Variants in EPB41L2 observed in about 807,000 individuals in gnomAD.
The protein encoded by EPB41L2 is band 4.1-like protein 2.
EPB41L2 carries 43 observed loss-of-function variants against 113.0 expected under a neutral mutation model. The ratio of observed to expected loss-of-function variants is 0.38; its 90% CI spans 0.30 to 0.49. The LOEUF (loss-of-function observed/expected upper bound fraction) is 0.49, where lower values mean the gene tolerates loss of function less well. EPB41L2 is among the 20% of genes least tolerant of loss of function. The pLI is 0.95. For missense variants in EPB41L2, 1,147 were observed against 1,223.4 expected (o/e 0.94, Z 0.93); for synonymous variants, 442 against 436.7 (o/e 1.01, Z -0.15).
intron 18 of EPB41L2, among the ~76,000 whole-genome samples, chr6:130,861,618 T>C (rs1161366119): frequency 1.3e-5 from 2 of 152,080 alleles, no homozygotes; most frequent in East Asian, 1.9e-4. Context: ...ACGACTGTAA[T>C]CCCAGCACTT....
intron 1 of EPB41L2, among the ~76,000 whole-genome samples, chr6:130,964,948 C>T (rs756393155): frequency 2.0e-4 from 30 of 152,182 alleles, no homozygotes; most frequent in African/African-American, 6.3e-4. Flanking sequence ...AATCCCAAAA[C>T]GACTTCACTA....
intron 10 of EPB41L2, among the ~76,000 whole-genome samples, chr6:130,893,577 T>C (rs1793650591): frequency 6.6e-6 from 1 of 152,208 alleles, no homozygotes; most frequent in Non-Finnish European, 1.5e-5. Context: ...CAGCTCATGC[T>C]GGAAATTATT....
At chr6:131,040,236 G>A (rs138024533) in intron 1 of EPB41L2, among the ~76,000 whole-genome samples, 12 of 152,218 alleles carry the variant, frequency 7.9e-5, no homozygotes, top group Admixed American at 2.6e-4. Flanking sequence ...CCAGGGATTC[G>A]AGACCAGCCT....
intron 18 of EPB41L2, among the ~76,000 whole-genome samples, chr6:130,858,481 C>A (rs1780982127): frequency 6.6e-6 from 1 of 152,260 alleles, no homozygotes; most frequent in Admixed American, 6.5e-5. Flanking sequence ...GTAGAGGAAA[C>A]ATGTTGGCTT....
At chr6:131,049,850 C>A (rs906944835) in intron 1 of EPB41L2, among the ~76,000 whole-genome samples, 1 of 152,176 alleles carries the variant, frequency 6.6e-6, no homozygotes, top group Non-Finnish European at 1.5e-5. Context: ...TCTTTAGCTA[C>A]AAAACTTGGC....
At chr6:131,033,929 A>G (rs1229554539) in intron 1 of EPB41L2, among the ~76,000 whole-genome samples, 1 of 152,222 alleles carries the variant, frequency 6.6e-6, no homozygotes, top group African/African-American at 2.4e-5. Flanking sequence ...AATGGTTAAA[A>G]TGGCAAATTT....
intron 1 of EPB41L2, among the ~76,000 whole-genome samples, chr6:130,975,155 C>T (rs1777926584): frequency 6.6e-6 from 1 of 152,062 alleles, no homozygotes; most frequent in Non-Finnish European, 1.5e-5. Context: ...ATATAGGAAA[C>T]ATCTACAAAT....
intron 18 of EPB41L2, among the ~76,000 whole-genome samples, chr6:130,862,231 CA>C (rs2128431583): frequency 6.6e-6 from 1 of 152,110 alleles, no homozygotes; most frequent in African/African-American, 2.4e-5. Context: ...AAACAATACA[CA>C]TAAGTAAAAC....
At chr6:131,036,078 A>G (rs758618514) in intron 1 of EPB41L2, among the ~76,000 whole-genome samples, 1 of 152,188 alleles carries the variant, frequency 6.6e-6, no homozygotes, top group Non-Finnish European at 1.5e-5. Flanking sequence ...GAATCATTTA[A>G]AATTTCAGGG....
chr6:130,982,336 C>G (rs530192245), intron 1 of EPB41L2, among the ~76,000 whole-genome samples: 3 of 152,114 alleles, frequency 2.0e-5, no homozygotes, highest in Non-Finnish European at 4.4e-5. Flanking sequence ...AAAAAATCAG[C>G]CTTTCTAAAC....
chr6:130,873,718 G>C (rs939971078), intron 14 of EPB41L2, among the ~76,000 whole-genome samples: 4 of 152,028 alleles, frequency 2.6e-5, no homozygotes, highest in Admixed American at 6.6e-5. Flanking sequence ...TATCCTCCTC[G>C]GCCTCCCAAA....
At chr6:131,037,523 C>G (rs1217604001) in intron 1 of EPB41L2, among the ~76,000 whole-genome samples, 1 of 148,984 alleles carries the variant, frequency 6.7e-6, no homozygotes, top group Non-Finnish European at 1.5e-5. Flanking sequence ...TTAGTCTCAG[C>G]TATAATTATG....
At chr6:130,996,862 C>T (rs981687132) in intron 1 of EPB41L2, among the ~76,000 whole-genome samples, 2 of 152,098 alleles carry the variant, frequency 1.3e-5, no homozygotes, top group African/African-American at 4.8e-5. Flanking sequence ...GTTTTCTGCA[C>T]TGAACATGTG....
intron 1 of EPB41L2, among the ~76,000 whole-genome samples, chr6:131,046,710 A>G (rs988604620): frequency 6.6e-6 from 1 of 152,106 alleles, no homozygotes; most frequent in Non-Finnish European, 1.5e-5. Flanking sequence ...TTTAAGGGGG[A>G]AGAAGGAAGA....
At chr6:131,043,771 T>C (rs1202071846) in intron 1 of EPB41L2, among the ~76,000 whole-genome samples, 1 of 152,214 alleles carries the variant, frequency 6.6e-6, no homozygotes, top group Non-Finnish European at 1.5e-5. Context: ...ATTTATTTAG[T>C]TATTATAATG....
rs759478691 is a variant in EPB41L2, at chr6:130,885,264, C to T, written c.1665G>A (p.Pro555=). Residue 555 remains proline (P), a synonymous_variant, in exon 12 of 20, where the codon CCG becomes CCA. Transcript: ENST00000337057. ...KRVSRSLDGA[P]IGVMDQSLMK... The stretch of plus-strand genomic sequence containing the variant: ...TAAGACTTTGGTCCATGACACCAAT[C>T]GGAGCTAGTAAAGAGTGACAATTTT... 72 of 1,613,846 alleles carry T rather than the reference C, an allele frequency of 4.5e-5. No individual in the cohort carries two copies. The highest frequency in any genetic ancestry group is 5.7e-5 in the Non-Finnish European group (67 of 1,179,986).
intron 4 of EPB41L2, among the ~76,000 whole-genome samples, chr6:130,921,173 C>G (rs1562490446): frequency 6.6e-6 from 1 of 152,172 alleles, no homozygotes; most frequent in Non-Finnish European, 1.5e-5. Flanking sequence ...ACTACCGCAA[C>G]TGTCTCCTGA....
At chr6:130,927,112 T>C (rs1306067657) in intron 3 of EPB41L2, among the ~76,000 whole-genome samples, 1 of 152,234 alleles carries the variant, frequency 6.6e-6, no homozygotes, top group Admixed American at 6.5e-5. Flanking sequence ...CAGTAGATCC[T>C]AACATAATTT....
intron 14 of EPB41L2, among the ~76,000 whole-genome samples, chr6:130,873,663 G>C (rs550828739): frequency 4.0e-4 from 61 of 152,164 alleles, no homozygotes; most frequent in African/African-American, 1.4e-3. Context: ...ACGGGGTTTT[G>C]CCATGTTGGC....
Sources: gnomAD v4.1 joint callset for allele counts (sites outside exome capture counted in the v4.1 genomes callset) on GRCh38, gnomAD v4.1.1 for gene constraint, MANE v1.5 for transcripts, NCBI Gene and HGNC (gene_info 2026-07-23, HGNC 2026-07-21) for gene names.